FCHSD2: variants seen among roughly 807,000 people sequenced by gnomAD.
FCHSD2 encodes F-BAR and double SH3 domains protein 2.
Under a neutral mutation model 108.1 loss-of-function variants are expected in FCHSD2, and 38 were observed. That is an observed-to-expected ratio of 0.35 (90% CI 0.27 to 0.46). The LOEUF (loss-of-function observed/expected upper bound fraction) is 0.46, where lower values mean the gene tolerates loss of function less well. Among genes scored for constraint, FCHSD2 ranks in the 20% least tolerant of loss-of-function variants. The probability of loss-of-function intolerance (pLI) is 1.00; values close to 1 mark genes in which losing one functional copy is unlikely to be tolerated. For missense variants in FCHSD2, 751 were observed against 897.8 expected (o/e 0.84, Z 2.09); for synonymous variants, 279 against 314.7 (o/e 0.89, Z 1.20).
At chr11:72,926,631 A>T (rs1398952482) in intron 8 of FCHSD2, among the ~76,000 whole-genome samples, 1 of 151,732 alleles carries the variant, frequency 6.6e-6, no homozygotes, top group East Asian at 1.9e-4. Flanking sequence ...GGAGCTACTC[A>T]CTCCTCTGAG....
intron 9 of FCHSD2, among the ~76,000 whole-genome samples, chr11:72,903,649 A>T (rs1459766176): frequency 2.6e-5 from 4 of 151,436 alleles, no homozygotes; most frequent in Non-Finnish European, 5.9e-5. Flanking sequence ...GATGGGGCAA[A>T]AAACCCCACT....
chr11:72,979,284 T>TA (rs1234498403), intron 8 of FCHSD2, among the ~76,000 whole-genome samples: 4 of 151,792 alleles, frequency 2.6e-5, no homozygotes, highest in African/African-American at 9.7e-5. Flanking sequence ...AAAAGTCCAA[T>TA]AAAAGAAACT....
chr11:73,141,836 G>T, intron 1 of FCHSD2, 21 bp downstream of exon 1: 1 of 1,542,598 alleles, frequency 6.5e-7, no homozygotes. Context: ...GAACCCCAAA[G>T]CCCCCCAGCT....
chr11:73,116,370 T>C (rs866676322), intron 2 of FCHSD2, among the ~76,000 whole-genome samples: 1 of 152,258 alleles, frequency 6.6e-6, no homozygotes, highest in South Asian at 2.1e-4. Flanking sequence ...ACTGTCCTGT[T>C]AGATTGTGGC....
chr11:73,077,061 G>A (rs1859571528), intron 3 of FCHSD2, among the ~76,000 whole-genome samples: 3 of 124,386 alleles, frequency 2.4e-5, no homozygotes, highest in Non-Finnish European at 3.2e-5. Flanking sequence ...AGTGAGACAA[G>A]ATTATGCCAT....
chr11:73,023,793 T>C (rs747943617), intron 3 of FCHSD2, among the ~76,000 whole-genome samples: 1 of 152,202 alleles, frequency 6.6e-6, no homozygotes, highest in African/African-American at 2.4e-5. Context: ...CAAACTGTGG[T>C]ACATAATTAT....
At chr11:72,902,667 C>G in intron 9 of FCHSD2, 29 bp from the exon 10 acceptor site, 1 of 1,366,514 alleles carries the variant, frequency 7.3e-7, no homozygotes, top group South Asian at 1.3e-5. Context: ...ATCTTTAGGT[C>G]TTTAATGAGG....
chr11:73,008,138 C>A (rs934016024), intron 4 of FCHSD2, among the ~76,000 whole-genome samples: 1 of 151,876 alleles, frequency 6.6e-6, no homozygotes, highest in Non-Finnish European at 1.5e-5. Flanking sequence ...CAGGAGTTTG[C>A]GACCAGCCTG....
chr11:72,844,608 A>G (rs573144638), intron 14 of FCHSD2, among the ~76,000 whole-genome samples: 1 of 152,118 alleles, frequency 6.6e-6, no homozygotes, highest in Non-Finnish European at 1.5e-5. Context: ...GCTTCCTAAC[A>G]GTCTTGCCTG....
chr11:72,894,959 G>T (rs539567932), intron 10 of FCHSD2, among the ~76,000 whole-genome samples: 11 of 152,222 alleles, frequency 7.2e-5, no homozygotes, highest in Admixed American at 2.0e-4. Context: ...GGAAAATTCT[G>T]AATTTTGACA....
chr11:73,099,121 T>G (rs866738757), intron 2 of FCHSD2, among the ~76,000 whole-genome samples: 3 of 151,980 alleles, frequency 2.0e-5, no homozygotes, highest in Non-Finnish European at 4.4e-5. Context: ...GAGGCTGAGG[T>G]AGAAGAATCA....
chr11:73,116,440 T>C (rs900140590), intron 2 of FCHSD2, among the ~76,000 whole-genome samples: 2 of 152,220 alleles, frequency 1.3e-5, no homozygotes, highest in African/African-American at 4.8e-5. Flanking sequence ...TGTGAAACAT[T>C]CCATAAAATA....
rs868244839 is a variant in FCHSD2, at chr11:73,080,305, A to G, written c.165+3390T>C. ...GAGCAAGACCCTGTCTCAAAAAAAA[A>G]AAAAAAAAAAAAAAGAAAGAAAGAA... On this transcript the variant is annotated intron_variant, in intron 3 of 19. Transcript: ENST00000409418. Among the ~76,000 whole-genome samples the G allele has an allele frequency of 3.0e-3, 457 of 150,588 alleles. 3 individuals are homozygous for G. The highest frequency in any genetic ancestry group is 0.011 in the African/African-American group (433 of 40,592).
At position 72,881,565 on chromosome 11, in the gene FCHSD2, G is replaced by C. The variant is rs533425274; in HGVS notation, c.1146+5905C>G. ...TTTATCCAAAGGAAAGGAAATCAGT[G>C]TATCAAAGTCATACCTTCATCCCCT... is the stretch of plus-strand genomic sequence containing the variant. On this transcript the variant is annotated intron_variant, in intron 12 of 19. Transcript: ENST00000409418. 2.0e-5 allele frequency among the ~76,000 whole-genome samples: 3 copies of C among 152,288 alleles called. 1 individual carries two copies. The South Asian group carries it at 6.2e-4, about 32-fold the overall frequency.
intron 9 of FCHSD2, among the ~76,000 whole-genome samples, chr11:72,914,809 A>C (rs1008403668): frequency 1.3e-5 from 2 of 152,238 alleles, no homozygotes; most frequent in African/African-American, 4.8e-5. Context: ...AATACCATTC[A>C]GGACATAGGC....
At chr11:73,115,910 T>G (rs577764138) in intron 2 of FCHSD2, among the ~76,000 whole-genome samples, 1 of 152,366 alleles carries the variant, frequency 6.6e-6, no homozygotes, top group South Asian at 2.1e-4. Flanking sequence ...CATGGCAACA[T>G]GTAGATTAAC....
chr11:73,100,841 T>C (rs979563860), intron 2 of FCHSD2, among the ~76,000 whole-genome samples: 1 of 151,790 alleles, frequency 6.6e-6, no homozygotes. Flanking sequence ...GGCATTCCTT[T>C]TTTTAGATGC....
At chr11:73,105,132 T>C (rs1860312341) in intron 2 of FCHSD2, among the ~76,000 whole-genome samples, 1 of 152,144 alleles carries the variant, frequency 6.6e-6, no homozygotes, top group African/African-American at 2.4e-5. Context: ...ATGAGGAAAG[T>C]ACAAATCAGG....
chr11:72,896,764 TAAAAAAAAAAAAA>T (rs58159831), intron 10 of FCHSD2, among the ~76,000 whole-genome samples: 1 of 68,388 alleles, frequency 1.5e-5, no homozygotes, highest in Non-Finnish European at 2.7e-5. Context: ...GGGAAAATAC[TAAAAAAAAAAAAA>T]AAAAAAAAAA....
Sources: allele counts gnomAD v4.1 joint callset (sites outside exome capture counted in the v4.1 genomes callset), GRCh38; gene constraint gnomAD v4.1.1; transcripts MANE v1.5; gene names NCBI Gene and HGNC (gene_info 2026-07-23, HGNC 2026-07-21).